Variants in GLUD1 observed in about 807,000 individuals in gnomAD.
GLUD1 encodes the protein glutamate dehydrogenase 1, also known as glutamate dehydrogenase 1, mitochondrial.
In GLUD1, 22 loss-of-function variants were observed where a neutral mutation model predicts 56.0. That is an observed-to-expected ratio of 0.39 (90% CI 0.28 to 0.56). The LOEUF (loss-of-function observed/expected upper bound fraction) is 0.56. GLUD1 is among the 20% of genes least tolerant of loss of function. The pLI, the probability that GLUD1 is intolerant of heterozygous loss-of-function variation, is 0.58. For missense variants in GLUD1, 451 were observed against 732.0 expected (o/e 0.62, Z 4.43); for synonymous variants, 223 against 269.9 (o/e 0.83, Z 1.70).
intron 1 of GLUD1, among the ~76,000 whole-genome samples, chr10:87,082,053 A>G (rs1841273290): frequency 6.6e-6 from 1 of 151,598 alleles, no homozygotes; most frequent in Admixed American, 6.6e-5. Flanking sequence ...TCACCACATT[A>G]TTTTTAATTT....
chr10:87,086,689 A>AG (rs1312596911), intron 1 of GLUD1, among the ~76,000 whole-genome samples: 1 of 151,410 alleles, frequency 6.6e-6, no homozygotes, highest in African/African-American at 2.4e-5. Flanking sequence ...AAAATTAGCC[A>AG]GCGTGGCGGT....
At chr10:87,058,898 G>GA (rs906796992) in intron 10 of GLUD1, among the ~76,000 whole-genome samples, 50 of 146,098 alleles carry the variant, frequency 3.4e-4, no homozygotes, top group East Asian at 1.2e-3. Flanking sequence ...CTCAAAAAAA[G>GA]AAAAAAAAAA....
At chr10:87,092,384 G>C (rs886645532) in intron 1 of GLUD1, among the ~76,000 whole-genome samples, 2 of 152,296 alleles carry the variant, frequency 1.3e-5, no homozygotes, top group Admixed American at 6.5e-5. Flanking sequence ...TAACAATTCA[G>C]TTTCTCCCTG....
chr10:87,094,815 G>T lies in GLUD1; in HGVS notation c.-46C>A. On this transcript the variant is annotated 5_prime_UTR_variant, in exon 1 of 13. Coordinates refer to ENST00000277865, the MANE Select transcript of GLUD1 (RefSeq NM_005271.5). The surrounding 1 kb of genome is among the most constrained non-coding windows in gnomAD (Gnocchi z 6.6). ...TGCGTGATGGTCGCGAAACAGGCGC[G>T]CTTTCTCAGACTCCCCGCGACTAGG... 1 of 1,442,958 alleles carries T rather than the reference G, an allele frequency of 6.9e-7. No individual in the cohort carries two copies. The highest frequency in any genetic ancestry group is 9.4e-7 in the Non-Finnish European group (1 of 1,064,680). 89.4% of individuals were successfully genotyped at this position (1,442,958 alleles called of 1,614,324 possible). A position where few individuals can be genotyped will look rare whatever the true frequency, so the allele number is the denominator to read the frequency against.
intron 1 of GLUD1, among the ~76,000 whole-genome samples, chr10:87,080,020 C>T (rs1384157954): frequency 1.3e-5 from 2 of 150,748 alleles, no homozygotes; most frequent in Non-Finnish European, 3.0e-5. Flanking sequence ...GCCATCTTAG[C>T]TCACTGCAAC....
intron 1 of GLUD1, among the ~76,000 whole-genome samples, chr10:87,085,141 C>T (rs573899607): frequency 1.2e-4 from 19 of 152,098 alleles, no homozygotes; most frequent in Middle Eastern, 3.4e-3. Context: ...GGTAGGAGTT[C>T]GAGACCAGCC....
rs1268364072 is a variant in GLUD1 at position 87,068,112 on chromosome 10, C to T, written c.692G>A (p.Arg231Gln). 12 of 1,613,496 alleles carry T rather than the reference C, an allele frequency of 7.4e-6. No homozygotes were observed. Among genetic ancestry groups the T allele is most frequent in the African/African-American group, 1.3e-5 (1 of 74,922 alleles). The change falls in exon 5 of 13, where the codon CGG becomes CAG. Residue 231 changes from arginine (R) to glutamine (Q), a missense_variant. Around this residue, in one of 4 missense-constraint regions of GLUD1, gnomAD observed 248 missense variants for 460.0 expected, o/e 0.54. Transcript: ENST00000277865. ...VPAPDMSTGE[R>Q]EMSWIADTYA... ...GGTATCAGCGATCCAGGACATCTCC[C>T]GCTCACCTGTGCTCATGTCTGGAGC...
chr10:87,052,669 C>CA (rs751155208), intron 12 of GLUD1, among the ~76,000 whole-genome samples: 16,568 of 41,292 alleles, frequency 0.4, 5,094 homozygotes, highest in Non-Finnish European at 0.49. Context: ...AACTCCGTCT[C>CA]AAAAAAAAAA....
chr10:87,057,472 A>G (rs778427422), intron 11 of GLUD1, among the ~76,000 whole-genome samples: 11 of 152,242 alleles, frequency 7.2e-5, no homozygotes, highest in Non-Finnish European at 1.0e-4. Flanking sequence ...CGTGAAAAAT[A>G]CCAAATTTAT....
chr10:87,072,468 C>T (rs1172348056), intron 4 of GLUD1, among the ~76,000 whole-genome samples: 1 of 152,160 alleles, frequency 6.6e-6, no homozygotes, highest in Admixed American at 6.5e-5. Flanking sequence ...CAGGAAATAA[C>T]AGATAAATAA....
chr10:87,083,994 G>C (rs1206704884), intron 1 of GLUD1, among the ~76,000 whole-genome samples: 1 of 152,202 alleles, frequency 6.6e-6, no homozygotes, highest in South Asian at 2.1e-4. Flanking sequence ...GACAGTGAAT[G>C]GGCTTGGTAC....
At chr10:87,058,025 C>T (rs1174647131) in intron 10 of GLUD1, among the ~76,000 whole-genome samples, 9 of 152,056 alleles carry the variant, frequency 5.9e-5, no homozygotes, top group Non-Finnish European at 8.8e-5. Flanking sequence ...CGCGCCACCA[C>T]GCCCAGCTAA....
chr10:87,076,756 G>C, intron 1 of GLUD1, 100 bp from the exon 2 acceptor site: 1 of 788,570 alleles, frequency 1.3e-6, no homozygotes, highest in Non-Finnish European at 2.3e-6. Flanking sequence ...GCTACAAATT[G>C]AAAATATCCA....
chr10:87,065,693 G>C (rs1174834606), intron 5 of GLUD1, among the ~76,000 whole-genome samples: 1 of 152,048 alleles, frequency 6.6e-6, no homozygotes, highest in African/African-American at 2.4e-5. Context: ...TTTATTTCAG[G>C]GGGTTGTATA....
intron 3 of GLUD1, among the ~76,000 whole-genome samples, chr10:87,075,497 C>T (rs9421580): frequency 0.25 from 37,395 of 152,040 alleles, 5,117 homozygotes; most frequent in East Asian, 0.67. Context: ...TGGCAAAACA[C>T]GCTATGAGTT....
At chr10:87,052,536 G>A (rs1191858651) in intron 12 of GLUD1, among the ~76,000 whole-genome samples, 3 of 151,706 alleles carry the variant, frequency 2.0e-5, no homozygotes, top group Non-Finnish European at 4.4e-5. Context: ...TGGGCATGGT[G>A]GCTCATGCCT....
At position 87,077,105 on chromosome 10, in the gene GLUD1, G is replaced by C. The variant is rs1846418642; in HGVS notation, c.446-449C>G. The stretch of plus-strand genomic sequence containing the variant: ...GGCTTACTGTAGCCTCAACCTCCTA[G>C]GCTCAGGTAATCCTCCCACCTCAGC... On this transcript the variant is annotated intron_variant, in intron 1 of 12. Coordinates refer to ENST00000277865, the MANE Select transcript of GLUD1 (RefSeq NM_005271.5). Among the ~76,000 whole-genome samples the C allele has an allele frequency of 2.0e-5, 3 of 152,058 alleles. No individual in the cohort carries two copies. The South Asian group carries it at 6.2e-4, about 32-fold the overall frequency.
intron 5 of GLUD1, 105 bp downstream of exon 5, chr10:87,067,958 T>C (rs1228219327): frequency 5.6e-6 from 4 of 720,578 alleles, no homozygotes; most frequent in African/African-American, 1.7e-5. Context: ...TATGATTGAA[T>C]GAGAGAAAAA....
At chr10:87,082,319 C>CT (rs1808602963) in intron 1 of GLUD1, among the ~76,000 whole-genome samples, 1 of 152,222 alleles carries the variant, frequency 6.6e-6, no homozygotes, top group African/African-American at 2.4e-5. Flanking sequence ...GAGTCAGAAA[C>CT]TGTGTGTGTA....
Sources: allele counts gnomAD v4.1 joint callset (sites outside exome capture counted in the v4.1 genomes callset), GRCh38; gene constraint gnomAD v4.1.1; regional missense constraint gnomAD v4.1.1; non-coding constraint Gnocchi (gnomAD v3.1); transcripts MANE v1.5; gene names NCBI Gene and HGNC (gene_info 2026-07-23, HGNC 2026-07-21).